Variants in MN1 observed in about 807,000 individuals in gnomAD.
MN1 encodes MN1 proto-oncogene, transcriptional regulator.
A neutral mutation model predicts 86.9 loss-of-function variants in MN1; 19 were observed. The ratio of observed to expected loss-of-function variants is 0.22; its 90% CI spans 0.15 to 0.32. MN1 has a LOEUF of 0.32. Ranked by LOEUF, MN1 falls within the 10% of genes least tolerant of loss-of-function variation. The pLI, the probability that MN1 is intolerant of heterozygous loss-of-function variation, is 1.00. For synonymous variants in MN1, 928 were observed against 849.6 expected, an observed-to-expected ratio of 1.09 and a Z score of -1.60; for missense variants, 1,841 against 1,862.0, an observed-to-expected ratio of 0.99 and a Z score of 0.21.
At chr22:27,784,276 C>CA (rs2146308445) in intron 1 of MN1, among the ~76,000 whole-genome samples, 1 of 152,350 alleles carries the variant, frequency 6.6e-6, no homozygotes, top group African/African-American at 2.4e-5. Context: ...GCACACGGCT[C>CA]AGATTTCAGG....
At chr22:27,780,587 G>T (rs1175539474) in intron 1 of MN1, among the ~76,000 whole-genome samples, 2 of 152,172 alleles carry the variant, frequency 1.3e-5, no homozygotes, top group African/African-American at 4.8e-5. Context: ...AGAGAGCCAG[G>T]TGTTTAAAAG....
rs1454209058 is a variant in MN1, at chr22:27,749,774, G to A, written c.*1141C>T. 8 of 231,494 alleles carry A rather than the reference G, an allele frequency of 3.5e-5. No individual in the cohort carries two copies. Among genetic ancestry groups the A allele is most frequent in the Non-Finnish European group, 6.0e-5 (7 of 116,996 alleles). 14.3% of individuals were successfully genotyped at this position (231,494 alleles called of 1,614,324 possible). ...TCCCTGCAAAGGCTCAGAGAAGGCTGAGCAGGCTGAGCAAGAGGGTGCCTC... is the reference window on the plus strand; with the variant it reads ...TCCCTGCAAAGGCTCAGAGAAGGCTAAGCAGGCTGAGCAAGAGGGTGCCTC... On this transcript the variant is annotated 3_prime_UTR_variant, in exon 2 of 2. Transcript: ENST00000302326.
chr22:27,799,528 T>C lies in MN1; in HGVS notation c.1016A>G (p.Gln339Arg). 1 of 1,454,528 alleles carries C rather than the reference T, an allele frequency of 6.9e-7. No individual in the cohort carries two copies. Among genetic ancestry groups the C allele is most frequent in the Non-Finnish European group, 9.1e-7 (1 of 1,102,520 alleles). 90.1% of individuals were successfully genotyped at this position (1,454,528 alleles called of 1,614,324 possible). A position where few individuals can be genotyped will look rare whatever the true frequency, so the allele number is the denominator to read the frequency against. Residue 339 changes from glutamine to arginine, a missense_variant, in exon 1 of 2, where the codon CAG becomes CGG. Gln to Arg is a conservative substitution (Grantham distance 43). Coordinates refer to ENST00000302326, the MANE Select transcript of MN1 (RefSeq NM_002430.3). ...GGGTGGCGGGGCCTGCTGGGGAGGC[T>C]GCATTAACGGGTGCCTGGAGCCCAC... is the stretch of plus-strand genomic sequence containing the variant. ...PSVGSRHPLM[Q>R]PPQQAPPPPQ...
chr22:27,754,947 G>A (rs1932793002), intron 1 of MN1, among the ~76,000 whole-genome samples: 1 of 152,168 alleles, frequency 6.6e-6, no homozygotes, highest in Non-Finnish European at 1.5e-5. Flanking sequence ...GTGGAGAAGG[G>A]CAGGTTTGGT....
At chr22:27,761,518 G>A (rs1455074268) in intron 1 of MN1, among the ~76,000 whole-genome samples, 4 of 150,612 alleles carry the variant, frequency 2.7e-5, no homozygotes, top group South Asian at 2.1e-4. Flanking sequence ...GACAGCCCCC[G>A]CCCCTTAACG....
In MN1 at chr22:27,800,581, C is replaced by G; in HGVS notation, c.-38G>C. ...GCAGAGGGGGATCAATAGGGCATGA[C>G]AGCCGGCTCTCCGCGGCGCGCCTCC... On this transcript the variant is annotated 5_prime_UTR_variant, in exon 1 of 2. Coordinates refer to ENST00000302326, the MANE Select transcript of MN1 (RefSeq NM_002430.3). The G allele has an allele frequency of 6.2e-7, 1 of 1,612,460 alleles. No individual in the cohort carries two copies. The highest frequency in any genetic ancestry group is 8.5e-7 in the Non-Finnish European group (1 of 1,179,868).
intron 1 of MN1, among the ~76,000 whole-genome samples, chr22:27,791,250 G>T (rs888989848): frequency 1.3e-5 from 2 of 151,936 alleles, no homozygotes; most frequent in African/African-American, 2.4e-5. Flanking sequence ...ACTTCATTTG[G>T]CTCCAGTGTG....
At chr22:27,785,185 A>C (rs1933109499) in intron 1 of MN1, among the ~76,000 whole-genome samples, 1 of 152,228 alleles carries the variant, frequency 6.6e-6, no homozygotes, top group Non-Finnish European at 1.5e-5. Context: ...AAACACACCA[A>C]GATAGTAATA....
Position 27,748,604 on chromosome 22 carries a change from G to C in MN1, c.*2311C>G, listed in dbSNP as rs1390866005. 1 of 208,998 alleles carries C rather than the reference G, an allele frequency of 4.8e-6. No individual in the cohort carries two copies. The highest frequency in any genetic ancestry group is 9.8e-6 in the Non-Finnish European group (1 of 102,466). 12.9% of individuals were successfully genotyped at this position (208,998 alleles called of 1,614,324 possible). A position where few individuals can be genotyped will look rare whatever the true frequency, so the allele number is the denominator to read the frequency against. The stretch of plus-strand genomic sequence containing the variant: ...TGATTACCAGTGTTCGGAGTCTAGT[G>C]TGTAGGGTGTGTTTTTCATTTACTT... On this transcript the variant is annotated 3_prime_UTR_variant, in exon 2 of 2. Coordinates refer to ENST00000302326, the MANE Select transcript of MN1 (RefSeq NM_002430.3).
chr22:27,800,391 A>C lies in MN1; in HGVS notation c.153T>G (p.Ala51=), dbSNP rs374898464. 62 of 1,613,528 alleles carry C rather than the reference A, an allele frequency of 3.8e-5. No individual in the cohort carries two copies. Among genetic ancestry groups the C allele is most frequent in the Non-Finnish European group, 5.9e-6 (7 of 1,179,778 alleles). Residue 51 remains alanine (A), a synonymous_variant, in exon 1 of 2, where the codon GCT becomes GCG. Coordinates refer to ENST00000302326, the MANE Select transcript of MN1 (RefSeq NM_002430.3). ...TCGGGGGTTCGCCCAGCGCGCTCAT[A>C]GCAGGATCCACAGGGCCAGGGGGCC... ...TGGPPGPVDP[A]MSALGEPPIL... is the part of the protein sequence containing the mutation.
intron 1 of MN1, among the ~76,000 whole-genome samples, chr22:27,785,002 C>A (rs1933103999): frequency 6.6e-6 from 1 of 150,868 alleles, no homozygotes; most frequent in South Asian, 2.1e-4. Context: ...TTTGGTTGGA[C>A]GATTGCAACT....
chr22:27,785,377 C>T (rs1012199658), intron 1 of MN1, among the ~76,000 whole-genome samples: 18 of 152,328 alleles, frequency 1.2e-4, no homozygotes, highest in African/African-American at 3.6e-4. Context: ...CGCTTCTCCA[C>T]GTCCGGCCAC....
intron 1 of MN1, among the ~76,000 whole-genome samples, chr22:27,766,422 G>C (rs1932870447): frequency 6.6e-6 from 1 of 152,132 alleles, no homozygotes; most frequent in Non-Finnish European, 1.5e-5. Context: ...GGTGGGGGCT[G>C]CCACACTCCT....
intron 1 of MN1, 148 bp from the exon 2 acceptor site, chr22:27,751,244 A>C: frequency 1.8e-6 from 1 of 551,448 alleles, no homozygotes; most frequent in Middle Eastern, 5.1e-4. Context: ...GGATCTAGAG[A>C]TGTTGTTTTG....
At chr22:27,793,867 AT>A (rs1173209228) in intron 1 of MN1, among the ~76,000 whole-genome samples, 1 of 152,180 alleles carries the variant, frequency 6.6e-6, no homozygotes, top group African/African-American at 2.4e-5. Context: ...ACCGACTAGT[AT>A]TTTGTCATTG....
chr22:27,768,193 C>T (rs1226879029), intron 1 of MN1, among the ~76,000 whole-genome samples: 3 of 152,120 alleles, frequency 2.0e-5, no homozygotes, highest in Non-Finnish European at 2.9e-5. Flanking sequence ...TTTGGCCCAC[C>T]GACTCTGCAT....
Position 27,797,814 on chromosome 22 carries a change from T to C in MN1, c.2730A>G (p.Pro910=). 1 of 1,588,376 alleles carries C rather than the reference T, an allele frequency of 6.3e-7. No individual in the cohort carries two copies. Among genetic ancestry groups the C allele is most frequent in the Non-Finnish European group, 8.6e-7 (1 of 1,169,364 alleles). The stretch of plus-strand genomic sequence containing the variant: ...AGAGGCTGGTGCCGTCCCCCTGGGC[T>C]GGAGGGTTGGGCGGCCCCGAGGCTT... ...GSKASGPPNP[P]AQGDGTSLSP... The change falls in exon 1 of 2, where the codon CCA becomes CCG. Residue 910 remains proline, a synonymous_variant. Transcript: ENST00000302326.
intron 1 of MN1, among the ~76,000 whole-genome samples, chr22:27,793,195 T>C (rs1933238706): frequency 6.6e-6 from 1 of 152,180 alleles, no homozygotes. Context: ...TATTACAGAA[T>C]ACGGTTAATT....
chr22:27,751,635 A>C (rs1255710598), intron 1 of MN1, among the ~76,000 whole-genome samples: 7 of 152,154 alleles, frequency 4.6e-5, no homozygotes, highest in Admixed American at 4.6e-4. Context: ...TACCAACTCC[A>C]GGGGGGAAGG....
Sources: gnomAD v4.1 joint callset for allele counts (sites outside exome capture counted in the v4.1 genomes callset) on GRCh38, gnomAD v4.1.1 for gene constraint, MANE v1.5 for transcripts, NCBI Gene and HGNC (gene_info 2026-07-23, HGNC 2026-07-21) for gene names.